Variants in SDAD1 observed in about 807,000 individuals in gnomAD.
SDAD1 encodes protein SDA1 homolog.
SDAD1 carries 79 observed loss-of-function variants against 100.3 expected under a neutral mutation model. That is an observed-to-expected ratio of 0.79 (90% CI 0.66 to 0.95). The LOEUF is 0.95. Among genes scored for constraint, SDAD1 ranks in the 40% least tolerant of loss-of-function variants. SDAD1 has a pLI of 0.00. For synonymous variants in SDAD1, 267 were observed against 271.4 expected, an observed-to-expected ratio of 0.98 and a Z score of 0.16; for missense variants, 790 against 810.9, an observed-to-expected ratio of 0.97 and a Z score of 0.31.
At chr4:75,960,291 T>C in intron 16 of SDAD1, 99 bp from the exon 17 acceptor site, 1 of 1,139,526 alleles carries the variant, frequency 8.8e-7, no homozygotes, top group South Asian at 1.7e-5. Flanking sequence ...TATTTATTTA[T>C]TTGAAGACAG....
intron 1 of SDAD1, among the ~76,000 whole-genome samples, chr4:75,989,442 ATCTG>A (rs1295501209): frequency 2.0e-5 from 3 of 152,334 alleles, no homozygotes; most frequent in Non-Finnish European, 2.9e-5. Context: ...ATGCTTTCTT[ATCTG>A]TCTTATTCAT....
chr4:75,961,226 T>C lies in SDAD1; in HGVS notation c.1264A>G (p.Thr422Ala), dbSNP rs1729211757. 6.2e-7 allele frequency: 1 copy of C among 1,613,800 alleles called. No homozygotes were observed. The highest frequency in any genetic ancestry group is 1.7e-5 in the Admixed American group (1 of 59,998). Residue 422 changes from threonine to alanine, a missense_variant, in exon 15 of 22, where the codon ACA becomes GCA. Transcript: ENST00000356260. Reference protein sequence around the residue: ...ELLQDLAQYKTHKDKNVMMSA... With the variant: ...ELLQDLAQYKAHKDKNVMMSA... ...TGCAGCTTACTCTTATCCTTGTGTG[T>C]TTTATACTGAGCCAGGTCTTGGAGA... is the stretch of plus-strand genomic sequence containing the variant.
chr4:75,964,270 T>G, intron 13 of SDAD1, 59 bp from the exon 14 acceptor site: 3 of 1,117,404 alleles, frequency 2.7e-6, no homozygotes, highest in Admixed American at 1.9e-5. Context: ...CACAAACACA[T>G]AAGAATGAAA....
chr4:75,956,097 T>C lies in SDAD1; in HGVS notation c.1894A>G (p.Thr632Ala), dbSNP rs764627933. ...GAACTGGAAAATGGATTTGTTTTGG[T>C]TTTCTTCCTCACAAATTCTTTTCGG... Reference protein sequence around the residue: ...TDRKEFVRKKTKTNPFSSSTN... With the variant: ...TDRKEFVRKKAKTNPFSSSTN... Residue 632 changes from threonine (T) to alanine (A), a missense_variant, in exon 21 of 22, where the codon ACC becomes GCC. By Grantham distance (58) the Thr-to-Ala change is moderately conservative (BLOSUM62 0). Coordinates refer to ENST00000356260, the MANE Select transcript of SDAD1 (RefSeq NM_018115.4). 6.2e-7 allele frequency: 1 copy of C among 1,609,846 alleles called. No homozygotes were observed. The highest frequency in any genetic ancestry group is 1.1e-5 in the South Asian group (1 of 89,588).
chr4:75,959,984 G>A lies in SDAD1; in HGVS notation c.1483+82C>T, dbSNP rs1246011006. The A allele has an allele frequency of 7.9e-6, 11 of 1,389,728 alleles. No individual in the cohort carries two copies. The African/African-American group carries it at 1.6e-4, about 20-fold the overall frequency. The allele number at this position is 1,389,728 out of a possible 1,614,324, so 86.1% of individuals were successfully genotyped here. On this transcript the variant is annotated intron_variant, in intron 17 of 21. Coordinates refer to ENST00000356260, the MANE Select transcript of SDAD1 (RefSeq NM_018115.4). The stretch of plus-strand genomic sequence containing the variant: ...CTCAATAAATATCTGCTGAATGAAT[G>A]TTCAAATAGTATACAATTTAAAGGT...
intron 7 of SDAD1, 26 bp from the exon 8 acceptor site, chr4:75,973,417 G>T (rs745413013): frequency 3.3e-6 from 5 of 1,529,050 alleles, no homozygotes; most frequent in Non-Finnish European, 4.5e-6. Context: ...AAAAAAGTCA[G>T]CTACTTGATT....
At chr4:75,988,619 A>G (rs1396893898) in intron 1 of SDAD1, among the ~76,000 whole-genome samples, 1 of 152,156 alleles carries the variant, frequency 6.6e-6, no homozygotes, top group Non-Finnish European at 1.5e-5. Context: ...CCCTACTAGA[A>G]TGTCATTTAA....
At chr4:75,984,360 T>C (rs969065561) in intron 1 of SDAD1, among the ~76,000 whole-genome samples, 6 of 151,982 alleles carry the variant, frequency 3.9e-5, no homozygotes, top group Non-Finnish European at 1.5e-5. Flanking sequence ...AGAGACGGGA[T>C]CTCTTTATGT....
intron 17 of SDAD1, among the ~76,000 whole-genome samples, chr4:75,958,166 C>G (rs938597607): frequency 8.5e-5 from 13 of 152,316 alleles, no homozygotes; most frequent in Non-Finnish European, 1.8e-4. Context: ...CTTACAATCA[C>G]TCTCTCTAAC....
intron 1 of SDAD1, among the ~76,000 whole-genome samples, chr4:75,986,057 C>G (rs1310293193): frequency 1.3e-5 from 2 of 152,172 alleles, no homozygotes; most frequent in African/African-American, 4.8e-5. Context: ...TTCTCTACAG[C>G]TATACTCCCA....
intron 21 of SDAD1, 108 bp from the exon 22 acceptor site, chr4:75,950,905 C>G (rs1056333723): frequency 3.2e-6 from 2 of 616,730 alleles, no homozygotes; most frequent in Non-Finnish European, 5.8e-6. Flanking sequence ...AATACACCAT[C>G]CTGAAAAACT....
intron 13 of SDAD1, among the ~76,000 whole-genome samples, chr4:75,965,038 G>C (rs977663945): frequency 6.6e-6 from 1 of 152,194 alleles, no homozygotes; most frequent in South Asian, 2.1e-4. Flanking sequence ...CATTAGGTCT[G>C]GCTGCCTGAG....
intron 6 of SDAD1, among the ~76,000 whole-genome samples, chr4:75,974,418 A>AC (rs1400370155): frequency 1.5e-4 from 22 of 151,614 alleles, no homozygotes; most frequent in Non-Finnish European, 2.6e-4. Flanking sequence ...AAAAAAAAAA[A>AC]AACAACAACT....
At chr4:75,964,298 T>C (rs1410506413) in intron 13 of SDAD1, 87 bp from the exon 14 acceptor site, 6 of 933,858 alleles carry the variant, frequency 6.4e-6, no homozygotes, top group Non-Finnish European at 8.4e-6. Context: ...AGATTATTCA[T>C]AGTGGAAAAC....
intron 1 of SDAD1, among the ~76,000 whole-genome samples, chr4:75,987,141 C>G (rs996789991): frequency 3.9e-5 from 6 of 152,052 alleles, no homozygotes; most frequent in African/African-American, 1.4e-4. Context: ...TTCAAAAAAT[C>G]CTTTAAATTG....
intron 21 of SDAD1, among the ~76,000 whole-genome samples, 153 bp downstream of exon 21, chr4:75,955,822 T>C (rs1477595806): frequency 6.6e-6 from 1 of 152,122 alleles, no homozygotes; most frequent in Non-Finnish European, 1.5e-5. Context: ...AATGCTCCCA[T>C]TAATGGGAAC....
At chr4:75,976,275 T>C (rs995936613) in intron 4 of SDAD1, among the ~76,000 whole-genome samples, 4 of 152,178 alleles carry the variant, frequency 2.6e-5, no homozygotes, top group African/African-American at 7.2e-5. Flanking sequence ...CAAACATTCA[T>C]AGCAGCCTTA....
At chr4:75,950,851 G>A (rs907257314) in intron 21 of SDAD1, 54 bp from the exon 22 acceptor site, 12 of 1,250,424 alleles carry the variant, frequency 9.6e-6, no homozygotes, top group South Asian at 8.6e-5. Context: ...CCTATTATAC[G>A]AATTTGGTTA....
In SDAD1 at chr4:75,950,746, G is replaced by C. The variant is rs372196702; in HGVS notation, c.*4C>G. ...CTTCTAGGAATGGAAAACTTGCCAG[G>C]AAGTTACTTCATTCTTTTTCTCTTT... On this transcript the variant is annotated 3_prime_UTR_variant, in exon 22 of 22. Transcript: ENST00000356260. 3.2e-6 allele frequency: 5 copies of C among 1,581,622 alleles called. No homozygotes were observed. The African/African-American group carries it at 4.0e-5, about 13-fold the overall frequency.
Sources: allele counts gnomAD v4.1 joint callset (sites outside exome capture counted in the v4.1 genomes callset), GRCh38; gene constraint gnomAD v4.1.1; transcripts MANE v1.5; gene names NCBI Gene and HGNC (gene_info 2026-07-23, HGNC 2026-07-21).